The following RAB3IP variants were observed in gnomAD, a reference collection of about 807,000 sequenced individuals.
RAB3IP encodes the protein RAB3A interacting protein, also known as rab-3A-interacting protein.
RAB3IP carries 36 observed loss-of-function variants against 59.1 expected under a neutral mutation model. That is an observed-to-expected ratio of 0.61 (90% CI 0.47 to 0.80). RAB3IP has a LOEUF of 0.80. Among genes scored for constraint, RAB3IP ranks in the 30% least tolerant of loss-of-function variants. RAB3IP has a pLI of 0.00. For missense variants in RAB3IP, 511 were observed against 536.0 expected (o/e 0.95, Z 0.46); for synonymous variants, 207 against 191.2 (o/e 1.08, Z -0.68).
Position 69,785,885 on chromosome 12 carries a change from G to A in RAB3IP, c.606+1070G>A, listed in dbSNP as rs529390022. ...ACAGATACCCCTGGGGGTGAGGTGA[G>A]GGTAGTACTTCCATGAGTAAGAACT... On this transcript the variant is annotated intron_variant, in intron 4 of 10. Transcript: ENST00000247833. Among the ~76,000 whole-genome samples, 10 of 152,262 alleles carry A rather than the reference G, an allele frequency of 6.6e-5. No homozygotes were observed. In the East Asian group the frequency reaches 1.2e-3, roughly 18 times the overall value.
chr12:69,773,123 C>A (rs1873425658), intron 3 of RAB3IP, among the ~76,000 whole-genome samples: 1 of 152,000 alleles, frequency 6.6e-6, no homozygotes, highest in Admixed American at 6.6e-5. Context: ...CTCCTACTTC[C>A]TCCTGATCTG....
chr12:69,803,476 T>C (rs1878711002), intron 8 of RAB3IP, among the ~76,000 whole-genome samples: 1 of 151,890 alleles, frequency 6.6e-6, no homozygotes, highest in Admixed American at 6.6e-5. Context: ...AGAGATTTGG[T>C]TTAAGTTTTT....
intron 1 of RAB3IP, among the ~76,000 whole-genome samples, chr12:69,755,052 A>G (rs1439859819): frequency 1.3e-5 from 2 of 152,114 alleles, no homozygotes; most frequent in African/African-American, 4.8e-5. Context: ...ATCGCTTAGT[A>G]AATGTTAAGT....
intron 4 of RAB3IP, 77 bp from the exon 5 acceptor site, chr12:69,794,360 A>C: frequency 3.4e-6 from 4 of 1,192,262 alleles, no homozygotes. Context: ...CTTTGCTTCA[A>C]TTGTAAACAT....
chr12:69,808,101 C>T (rs1030689998), intron 8 of RAB3IP, among the ~76,000 whole-genome samples: 2 of 152,152 alleles, frequency 1.3e-5, no homozygotes, highest in African/African-American at 4.8e-5. Context: ...TCTTTGTTCT[C>T]GTTGGTTTCA....
At chr12:69,788,019 CAT>C (rs1474314338) in intron 4 of RAB3IP, among the ~76,000 whole-genome samples, 5 of 152,072 alleles carry the variant, frequency 3.3e-5, no homozygotes, top group Non-Finnish European at 5.9e-5. Context: ...GTTATACACA[CAT>C]GTTTTATATA....
At chr12:69,808,785 A>G (rs11177871) in intron 8 of RAB3IP, among the ~76,000 whole-genome samples, 2 of 152,068 alleles carry the variant, frequency 1.3e-5, no homozygotes, top group African/African-American at 2.4e-5. Flanking sequence ...TTTTGAGCCT[A>G]TGTGTGTTTC....
At chr12:69,803,463 AAGAG>A (rs1183216712) in intron 8 of RAB3IP, among the ~76,000 whole-genome samples, 1 of 152,026 alleles carries the variant, frequency 6.6e-6, no homozygotes, top group Non-Finnish European at 1.5e-5. Context: ...TTCTTGAAGG[AAGAG>A]AGATTTGGTT....
chr12:69,795,746 T>A (rs1015866158), intron 6 of RAB3IP: 16 of 241,018 alleles, frequency 6.6e-5, no homozygotes, highest in Non-Finnish European at 1.1e-4. Flanking sequence ...TTATTTAAAT[T>A]CAGAGAGAAT....
At chr12:69,753,464 C>T (rs536156597) in intron 1 of RAB3IP, among the ~76,000 whole-genome samples, 2 of 152,138 alleles carry the variant, frequency 1.3e-5, no homozygotes, top group Non-Finnish European at 2.9e-5. Context: ...ATTCTCCTGC[C>T]TCAGCCTTCC....
At chr12:69,813,109 A>G (rs1751742513) in intron 10 of RAB3IP, 76 bp downstream of exon 10, 3 of 1,008,910 alleles carry the variant, frequency 3.0e-6, no homozygotes, top group Non-Finnish European at 1.5e-6. Context: ...AACAAAAAGT[A>G]TAGAATAGTA....
At chr12:69,813,509 T>A (rs1377089869) in intron 10 of RAB3IP, among the ~76,000 whole-genome samples, 1 of 152,180 alleles carries the variant, frequency 6.6e-6, no homozygotes, top group East Asian at 1.9e-4. Flanking sequence ...TAATTCTGAA[T>A]GGAATAAAGA....
At chr12:69,784,514 T>C (rs113966140) in intron 3 of RAB3IP, among the ~76,000 whole-genome samples, 2 of 151,456 alleles carry the variant, frequency 1.3e-5, no homozygotes, top group African/African-American at 4.8e-5. Flanking sequence ...AATGTGAAAA[T>C]TTAATTTGTT....
intron 3 of RAB3IP, among the ~76,000 whole-genome samples, chr12:69,782,748 A>C (rs1874951220): frequency 6.6e-6 from 1 of 151,968 alleles, no homozygotes; most frequent in Non-Finnish European, 1.5e-5. Flanking sequence ...TTTTAGTTCT[A>C]AAGTTAGATG....
At chr12:69,815,230 G>T in intron 10 of RAB3IP, 134 bp from the exon 11 acceptor site, 1 of 622,466 alleles carries the variant, frequency 1.6e-6, no homozygotes. Flanking sequence ...AAGTTTATGT[G>T]AATTATTGAA....
rs1881771170 is a variant in RAB3IP, at chr12:69,821,747, A to G, written c.*6301A>G. On this transcript the variant is annotated 3_prime_UTR_variant, in exon 11 of 11. Transcript: ENST00000247833. ...CACTGAGCCCACAGTCTTGAATGAC[A>G]ACACTTGGGTGGAGCTGAGTGACTC... 6.6e-6 allele frequency: 1 copy of G among 152,220 alleles called. No homozygotes were observed. The highest frequency in any genetic ancestry group is 1.5e-5 in the Non-Finnish European group (1 of 68,044). The allele number at this position is 152,220 out of a possible 1,614,324, so 9.4% of individuals were successfully genotyped here.
chr12:69,822,037 G>C lies in RAB3IP; in HGVS notation c.*6591G>C, dbSNP rs1258659600. On this transcript the variant is annotated 3_prime_UTR_variant, in exon 11 of 11. Coordinates refer to ENST00000247833, the MANE Select transcript of RAB3IP (RefSeq NM_022456.5). ...GAAGTCTGTGGGTGAATTGGTGGAC[G>C]GGATCCAGAATCATTACTTGGCAGT... 1 of 152,106 alleles carries C rather than the reference G, an allele frequency of 6.6e-6. No individual in the cohort carries two copies. The highest frequency in any genetic ancestry group is 1.5e-5 in the Non-Finnish European group (1 of 68,040). The allele number at this position is 152,106 out of a possible 1,614,324, so 9.4% of individuals were successfully genotyped here. A position where few individuals can be genotyped will look rare whatever the true frequency, so the allele number is the denominator to read the frequency against.
At chr12:69,811,087 A>G (rs1370918809) in intron 8 of RAB3IP, among the ~76,000 whole-genome samples, 3 of 152,246 alleles carry the variant, frequency 2.0e-5, no homozygotes, top group Non-Finnish European at 2.9e-5. Flanking sequence ...TTGCAGGGAC[A>G]TGGCTGGAGC....
intron 3 of RAB3IP, among the ~76,000 whole-genome samples, chr12:69,779,403 C>G (rs558859672): frequency 1.2e-4 from 18 of 152,170 alleles, no homozygotes; most frequent in Non-Finnish European, 2.4e-4. Context: ...TAGCTGTAGA[C>G]CGGAGCTGTT....
Sources: gnomAD v4.1 joint callset for allele counts (sites outside exome capture counted in the v4.1 genomes callset) on GRCh38, gnomAD v4.1.1 for gene constraint, MANE v1.5 for transcripts, NCBI Gene and HGNC (gene_info 2026-07-23, HGNC 2026-07-21) for gene names.